Variants in ARHGAP6 observed in about 807,000 individuals in gnomAD.
ARHGAP6 encodes Rho GTPase activating protein 6.
In ARHGAP6, 16 loss-of-function variants were observed where a neutral mutation model predicts 55.7. The ratio of observed to expected loss-of-function variants is 0.29; its 90% CI spans 0.19 to 0.44. The LOEUF is 0.44. ARHGAP6 is among the 20% of genes least tolerant of loss of function. The pLI, the probability that ARHGAP6 is intolerant of heterozygous loss-of-function variation, is 1.00. For missense variants in ARHGAP6, 698 were observed against 808.9 expected (o/e 0.86, Z 1.66); for synonymous variants, 382 against 360.9 (o/e 1.06, Z -0.66).
At chrX:11,140,638 A>T (rs1230401191) in intron 12 of ARHGAP6, among the ~76,000 whole-genome samples, 1 of 108,113 alleles carries the variant, frequency 9.2e-6, no homozygotes, top group Non-Finnish European at 1.9e-5. Flanking sequence ...CCCTCCCCTC[A>T]CACACTCCCG....
Position 11,181,773 on chromosome X carries a change from A to G in ARHGAP6, c.1329+290T>C, listed in dbSNP as rs1406624542. The stretch of plus-strand genomic sequence containing the variant: ...ATCATTTATTGATCAGTCACTCTGA[A>G]TTTCCTGCTTTTGCAATTTTCAATA... On this transcript the variant is annotated intron_variant, in intron 6 of 12. Coordinates refer to ENST00000337414, the MANE Select transcript of ARHGAP6 (RefSeq NM_013427.3). Among the ~76,000 whole-genome samples, 3 of 112,180 alleles carry G rather than the reference A, an allele frequency of 2.7e-5. No individual in the cohort carries two copies. In the East Asian group the frequency reaches 8.3e-4, roughly 31 times the overall value.
At chrX:11,291,845 C>A (rs1204152703) in intron 1 of ARHGAP6, among the ~76,000 whole-genome samples, 1 of 111,926 alleles carries the variant, frequency 8.9e-6, no homozygotes, top group Non-Finnish European at 1.9e-5. Context: ...TCTTCTACTT[C>A]CTTCTTTGCA....
chrX:11,427,475 C>T (rs1569340330), intron 1 of ARHGAP6: 5 of 913,837 alleles, frequency 5.5e-6, no homozygotes, highest in Non-Finnish European at 6.9e-6. Context: ...CGACTACCAT[C>T]GCCCCTCGCA....
chrX:11,539,518 T>C (rs1228548950), intron 1 of ARHGAP6, among the ~76,000 whole-genome samples: 6 of 112,033 alleles, frequency 5.4e-5, no homozygotes, highest in Admixed American at 1.9e-4. Flanking sequence ...TTGCCTACCC[T>C]GCTGAATGAC....
At chrX:11,444,871 C>A (rs1051761508) in intron 1 of ARHGAP6, among the ~76,000 whole-genome samples, 1 of 112,065 alleles carries the variant, frequency 8.9e-6, no homozygotes, top group Non-Finnish European at 1.9e-5. Context: ...TAAGGGGGAA[C>A]AATCTTTTTT....
Position 11,137,972 on chromosome X carries a change from AGAT to A in ARHGAP6, c.*888_*890del, listed in dbSNP as rs2045569123. The A allele has an allele frequency of 8.9e-6, 1 of 112,144 alleles. No individual in the cohort carries two copies. Among genetic ancestry groups the A allele is most frequent in the African/African-American group, 3.2e-5 (1 of 30,868 alleles). The allele number at this position is 112,144 out of a possible 1,213,427, so 9.2% of individuals were successfully genotyped here. On this transcript the variant is annotated 3_prime_UTR_variant, in exon 13 of 13. Transcript: ENST00000337414. ...GTTCTATAATTTGAATATTCTGTGT[AGAT>A]TCTTAAACACTTTATAGTTGGATTC...
At chrX:11,543,227 C>T (rs887569762) in intron 1 of ARHGAP6, among the ~76,000 whole-genome samples, 34 of 112,805 alleles carry the variant, frequency 3.0e-4, no homozygotes, top group East Asian at 2.8e-4. Context: ...CCTCTCAGTT[C>T]AAATGTCCTT....
intron 1 of ARHGAP6, among the ~76,000 whole-genome samples, chrX:11,544,512 C>T (rs776661889): frequency 1.1e-3 from 121 of 112,494 alleles, no homozygotes; most frequent in African/African-American, 3.7e-3. Flanking sequence ...ATTGGCTTCA[C>T]AACCACTTCA....
chrX:11,630,351 G>A (rs2052347358), intron 1 of ARHGAP6, among the ~76,000 whole-genome samples: 2 of 111,845 alleles, frequency 1.8e-5, no homozygotes, highest in African/African-American at 6.5e-5. Context: ...AGACATCCAA[G>A]AGGTCCAAGT....
chrX:11,561,252 A>G (rs2051381438), intron 1 of ARHGAP6, among the ~76,000 whole-genome samples: 1 of 112,212 alleles, frequency 8.9e-6, no homozygotes, highest in South Asian at 3.7e-4. Flanking sequence ...ATCTCCATAT[A>G]ATGGAACACT....
chrX:11,188,283 T>C (rs1412092756), intron 4 of ARHGAP6, among the ~76,000 whole-genome samples: 2 of 111,850 alleles, frequency 1.8e-5, no homozygotes, highest in African/African-American at 6.5e-5. Context: ...AAATGCTCCA[T>C]TGATAAAGAA....
At chrX:11,257,138 A>T (rs960908828) in intron 1 of ARHGAP6, among the ~76,000 whole-genome samples, 3 of 111,489 alleles carry the variant, frequency 2.7e-5, no homozygotes, top group Non-Finnish European at 5.7e-5. Context: ...CTATTGGGGA[A>T]TTTTTTTTAT....
intron 1 of ARHGAP6, among the ~76,000 whole-genome samples, chrX:11,429,966 A>G (rs987062460): frequency 8.9e-6 from 1 of 111,735 alleles, no homozygotes; most frequent in Admixed American, 9.4e-5. Flanking sequence ...CTTTCACTTC[A>G]CTGTGGTCTA....
intron 2 of ARHGAP6, among the ~76,000 whole-genome samples, chrX:11,200,448 C>G (rs1029794792): frequency 8.9e-6 from 1 of 112,285 alleles, no homozygotes; most frequent in African/African-American, 3.2e-5. Context: ...CTAGTGACCC[C>G]AAAGCAAAGG....
At chrX:11,209,230 C>A (rs1052598849) in intron 2 of ARHGAP6, among the ~76,000 whole-genome samples, 11 of 112,350 alleles carry the variant, frequency 9.8e-5, no homozygotes, top group African/African-American at 3.2e-4. Flanking sequence ...CAACCTCTGC[C>A]TCCTGGGTTC....
intron 1 of ARHGAP6, among the ~76,000 whole-genome samples, chrX:11,549,978 T>G (rs2051250129): frequency 8.9e-6 from 1 of 111,971 alleles, no homozygotes; most frequent in African/African-American, 3.2e-5. Context: ...GAAATTACAT[T>G]TTATTATCTA....
chrX:11,250,453 A>G (rs1039178758), intron 2 of ARHGAP6, among the ~76,000 whole-genome samples: 1 of 111,426 alleles, frequency 9.0e-6, no homozygotes, highest in Non-Finnish European at 1.9e-5. Flanking sequence ...AAACAACTCA[A>G]ATTTATCATC....
At chrX:11,315,523 T>C (rs1208145145) in intron 1 of ARHGAP6, among the ~76,000 whole-genome samples, 1 of 111,684 alleles carries the variant, frequency 9.0e-6, no homozygotes, top group East Asian at 2.8e-4. Context: ...TTTTAGATGA[T>C]AAGTGGATGT....
At chrX:11,173,192 C>A (rs2147314103) in intron 8 of ARHGAP6, among the ~76,000 whole-genome samples, 1 of 111,970 alleles carries the variant, frequency 8.9e-6, no homozygotes, top group African/African-American at 3.2e-5. Context: ...TCTTGCTGGG[C>A]AGACCCAGCC....
Sources: gnomAD v4.1 joint callset for allele counts (sites outside exome capture counted in the v4.1 genomes callset) on GRCh38, gnomAD v4.1.1 for gene constraint, MANE v1.5 for transcripts, NCBI Gene and HGNC (gene_info 2026-07-23, HGNC 2026-07-21) for gene names.